Variants in FLG observed in about 807,000 individuals in gnomAD.
FLG encodes the protein filaggrin, also known as epidermal filaggrin.
Under a neutral mutation model 3.8 loss-of-function variants are expected in FLG, and 6 were observed. The observed-to-expected ratio is 1.60, with a 90% CI of 0.87 to 3.15. The LOEUF (loss-of-function observed/expected upper bound fraction) is 3.15, where lower values mean the gene tolerates loss of function less well. Ranked by LOEUF, FLG falls within the 30% of genes most tolerant of loss-of-function variation. The pLI is 0.00. For missense variants in FLG, 7,595 were observed against 5,050.9 expected (o/e 1.50, Z -15.27); for synonymous variants, 2,551 against 1,931.6 (o/e 1.32, Z -8.41).
Position 152,310,034 on chromosome 1 carries a change from G to T in FLG, c.4852C>A (p.His1618Asn), listed in dbSNP as rs373727872. The T allele has an allele frequency of 3.7e-6, 6 of 1,613,670 alleles. No individual in the cohort carries two copies. The Admixed American group carries it at 5.0e-5, about 13-fold the overall frequency. Residue 1618 changes from histidine to asparagine, a missense_variant, in exon 3 of 3, where the codon CAT becomes AAT. Physicochemically the swap from His to Asn is moderately conservative, Grantham distance 68 (BLOSUM62 1). Coordinates refer to ENST00000368799, the MANE Select transcript of FLG (RefSeq NM_002016.2). ...GACTGCTCCCGAGCAGATCCATAAT[G>T]GTTTCTGGAAGCCGACTCAGACCGC... is the stretch of plus-strand genomic sequence containing the variant. ...ERRSESASRN[H>N]YGSAREQSRH... is the part of the protein sequence containing the mutation.
In FLG at chr1:152,307,427, G is replaced by A; in HGVS notation, c.7459C>T (p.His2487Tyr). The part of the protein sequence containing the change: ...HYEQLVDRSG[H>Y]SGSHHSHTTS... Reference sequence around the variant, plus strand: ...GTGTGGCTGTGATGAGACCCTGAGTGTCCAGATCTATCTACCAATTGCTCG... The same window carrying A: ...GTGTGGCTGTGATGAGACCCTGAGTATCCAGATCTATCTACCAATTGCTCG... Residue 2487 changes from histidine to tyrosine, a missense_variant, in exon 3 of 3, where the codon CAC (histidine) becomes TAC (tyrosine). By Grantham distance (83) the His-to-Tyr change is moderately conservative. Coordinates refer to ENST00000368799, the MANE Select transcript of FLG (RefSeq NM_002016.2). 6.2e-7 allele frequency: 1 copy of A among 1,613,238 alleles called. No individual in the cohort carries two copies. The highest frequency in any genetic ancestry group is 8.5e-7 in the Non-Finnish European group (1 of 1,179,728).
In FLG at chr1:152,304,831, G is replaced by C. The variant is rs149573489; in HGVS notation, c.10055C>G (p.Thr3352Arg). The change falls in exon 3 of 3, where the codon ACA becomes AGA. Residue 3352 changes from threonine (T) to arginine (R), a missense_variant. Physicochemically the swap from Thr to Arg is moderately conservative, Grantham distance 71. Transcript: ENST00000368799. ...DSEGHSEESD[T>R]QSVSGHGQAG... ...CTGTCCATGGCCTGACACTGACTGT[G>C]TGTCTGACTCTTCTGAATGTCCCTC... The C allele has an allele frequency of 2.7e-3, 4,375 of 1,613,862 alleles. 107 individuals carry two copies. In the African/African-American group the frequency reaches 0.051, roughly 19 times the overall value.
In FLG at chr1:152,302,894, T is replaced by C. The variant is rs1294003893; in HGVS notation, c.11992A>G (p.Ser3998Gly). The change falls in exon 3 of 3, where the codon AGT becomes GGT. Residue 3998 changes from serine to glycine, a missense_variant. Ser to Gly is a moderately conservative substitution (Grantham distance 56). Transcript: ENST00000368799. The stretch of plus-strand genomic sequence containing the variant: ...ACAGGATTGGAATTGTAACTAACAC[T>C]TCCGTGCTGAGAGTGTCTAAACCCG... The part of the protein sequence containing the change: ...ESGFRHSQHG[S>G]VSYNSNPVVF... 4 of 1,614,222 alleles carry C rather than the reference T, an allele frequency of 2.5e-6. No individual in the cohort carries two copies. Among genetic ancestry groups the C allele is most frequent in the Non-Finnish European group, 3.4e-6 (4 of 1,180,036 alleles).
chr1:152,310,232 C>T lies in FLG; in HGVS notation c.4654G>A (p.Asp1552Asn), dbSNP rs772213921. 6.2e-7 allele frequency: 1 copy of T among 1,613,832 alleles called. No individual in the cohort carries two copies. Among genetic ancestry groups the T allele is most frequent in the Non-Finnish European group, 8.5e-7 (1 of 1,179,982 alleles). The change falls in exon 3 of 3, where the codon GAC becomes AAC. Residue 1552 changes from aspartate to asparagine, a missense_variant. Coordinates refer to ENST00000368799, the MANE Select transcript of FLG (RefSeq NM_002016.2). Reference sequence around the variant, plus strand: ...CGTGACCCTGAGTGCCTGGAGCCGTCTCCTGATTGTTCCTCATTTCTTGTT... The same window carrying T: ...CGTGACCCTGAGTGCCTGGAGCCGTTTCCTGATTGTTCCTCATTTCTTGTT... Reference protein sequence around the residue: ...RQTRNEEQSGDGSRHSGSRHH... With the variant: ...RQTRNEEQSGNGSRHSGSRHH...
chr1:152,304,844 C>A lies in FLG; in HGVS notation c.10042G>T (p.Glu3348Ter). ...SQASDSEGHS[E>*]ESDTQSVSGH... Reference sequence around the variant, plus strand: ...GACACTGACTGTGTGTCTGACTCTTCTGAATGTCCCTCACTATCACTGGCC... The same window carrying A: ...GACACTGACTGTGTGTCTGACTCTTATGAATGTCCCTCACTATCACTGGCC... Residue 3348 changes from glutamate (E) to a stop codon, truncating the protein, a stop_gained, in exon 3 of 3, where the codon GAA becomes TAA. Transcript: ENST00000368799. LOFTEE classifies it low-confidence loss of function (END_TRUNC). 6.2e-7 allele frequency: 1 copy of A among 1,613,878 alleles called. No individual in the cohort carries two copies. Among genetic ancestry groups the A allele is most frequent in the Non-Finnish European group, 8.5e-7 (1 of 1,179,952 alleles).
At position 152,313,649 on chromosome 1, in the gene FLG, C is replaced by T. The variant is rs1652619114; in HGVS notation, c.1237G>A (p.Gly413Arg). The change falls in exon 3 of 3, where the codon GGA (glycine) becomes AGA (arginine). Residue 413 changes from glycine to arginine, a missense_variant. Physicochemically the swap from Gly to Arg is moderately radical, Grantham distance 125. Transcript: ENST00000368799. ...TGACTACCGCTAGACCCCCGGTGTC[C>T]ACGATCGCTGACTGCAGATGAAGCT... The part of the protein sequence containing the change: ...GQASSAVSDR[G>R]HRGSSGSQAS... 2 of 1,613,734 alleles carry T rather than the reference C, an allele frequency of 1.2e-6. No individual in the cohort carries two copies. Among genetic ancestry groups the T allele is most frequent in the Middle Eastern group, 1.7e-4 (1 of 6,060 alleles).
rs1394127190 is a variant in FLG at position 152,308,436 on chromosome 1, C to T, written c.6450G>A (p.Gln2150=). 4 of 1,613,748 alleles carry T rather than the reference C, an allele frequency of 2.5e-6. No homozygotes were observed. The highest frequency in any genetic ancestry group is 2.2e-5 in the East Asian group (1 of 44,874). ...GHPGPSRGGR[Q]GSHQEQSVDR... ...CTACCGATTGCTCTTGGTGGGACCC[C>T]TGTCTTCCTCCTCTGCTTGGCCCCG... Residue 2150 remains glutamine, a synonymous_variant, in exon 3 of 3, where the codon CAG becomes CAA. Coordinates refer to ENST00000368799, the MANE Select transcript of FLG (RefSeq NM_002016.2).
In FLG at chr1:152,303,818, G is replaced by A; in HGVS notation, c.11068C>T (p.Gln3690Ter). 2 of 1,613,620 alleles carry A rather than the reference G, an allele frequency of 1.2e-6. No homozygotes were observed. The highest frequency in any genetic ancestry group is 1.7e-6 in the Non-Finnish European group (2 of 1,179,866). ...SAHGQAGPHQ[Q>*]SHQESTRGRS... ...CCACGTGTGGACTCTTGGTGGCTCT[G>A]CTGATGGGGCCCAGCCTGTCCGTGG... The change falls in exon 3 of 3, where the codon CAG becomes TAG. Residue 3690 changes from glutamine to a stop codon, truncating the protein, a stop_gained. Transcript: ENST00000368799. LOFTEE classifies it low-confidence loss of function (END_TRUNC).
rs189906785 is a variant in FLG at position 152,309,287 on chromosome 1, G to C, written c.5599C>G (p.Gln1867Glu). 6 of 1,613,786 alleles carry C rather than the reference G, an allele frequency of 3.7e-6. No individual in the cohort carries two copies. In the African/African-American group the frequency reaches 5.3e-5, roughly 14 times the overall value. ...GQSGSRSVSR[Q>E]TRNEKQSGDG... ...CCTGATTGTTTCTCATTACGTGTTT[G>C]TCTGCTGACACTTCTGGATCCTGAC... The change falls in exon 3 of 3, where the codon CAA becomes GAA. Residue 1867 changes from glutamine to glutamate, a missense_variant. Transcript: ENST00000368799.
At position 152,308,991 on chromosome 1, in the gene FLG, G is replaced by C; in HGVS notation, c.5895C>G (p.Ala1965=). The stretch of plus-strand genomic sequence containing the variant: ...AGCTGTCTGCAGAGTGCCCGTGACC[G>C]GCTCTGTCTTCGTGATGGGACCCAG... ...RHPGSHHEDR[A]GHGHSADSSR... The change falls in exon 3 of 3, where the codon GCC becomes GCG. Residue 1965 remains alanine (A), a synonymous_variant. Transcript: ENST00000368799. The C allele has an allele frequency of 6.2e-7, 1 of 1,614,154 alleles. No homozygotes were observed. Among genetic ancestry groups the C allele is most frequent in the Non-Finnish European group, 8.5e-7 (1 of 1,180,008 alleles).
intron 1 of FLG, among the ~76,000 whole-genome samples, chr1:152,321,705 A>C (rs960642022): frequency 3.3e-5 from 5 of 151,224 alleles, no homozygotes; most frequent in Non-Finnish European, 7.4e-5. Flanking sequence ...ACTGCAGGTC[A>C]GATGGCTTTA....
chr1:152,313,503 C>G lies in FLG; in HGVS notation c.1383G>C (p.Arg461=). The G allele has an allele frequency of 1.2e-6, 2 of 1,613,948 alleles. No homozygotes were observed. Among genetic ancestry groups the G allele is most frequent in the South Asian group, 1.1e-5 (1 of 91,050 alleles). Residue 461 remains arginine (R), a synonymous_variant, in exon 3 of 3, where the codon CGG becomes CGC. Transcript: ENST00000368799. The part of the protein sequence containing the change: ...QESTRGRSGE[R]SGRSGSSLYQ... ...AGAGGGAAGACCCTGAACGTCCAGA[C>G]CGTTCCCCTGACCGGCCACGTGTGG...
rs762317875 is a variant in FLG at position 152,311,682 on chromosome 1, A to C, written c.3204T>G (p.Gly1068=). Residue 1068 remains glycine, a synonymous_variant, in exon 3 of 3, where the codon GGT becomes GGG. Coordinates refer to ENST00000368799, the MANE Select transcript of FLG (RefSeq NM_002016.2). ...GTCCCTCACTATCACTGGCCTGACT[A>C]CCACTGGACCCCCAGTGTCCACTGT... ...VRDSGHWGSS[G]SQASDSEGHS... 4 of 1,613,710 alleles carry C rather than the reference A, an allele frequency of 2.5e-6. No individual in the cohort carries two copies. The African/African-American group carries it at 4.0e-5, about 16-fold the overall frequency.
Position 152,303,166 on chromosome 1 carries a change from C to A in FLG, c.11720G>T (p.Arg3907Leu), listed in dbSNP as rs554551056. ...DGSRHPGSSH[R>L]DTASHVQSSP... The stretch of plus-strand genomic sequence containing the variant: ...AGACTGTACATGACTGGCTGTATCG[C>A]GGTGAGAGGATCCGGGGTGTCTGGA... The change falls in exon 3 of 3, where the codon CGC becomes CTC. Residue 3907 changes from arginine to leucine, a missense_variant. Arg to Leu is a moderately radical substitution (Grantham distance 102, BLOSUM62 -2). Coordinates refer to ENST00000368799, the MANE Select transcript of FLG (RefSeq NM_002016.2). 3.7e-6 allele frequency: 6 copies of A among 1,613,986 alleles called. No homozygotes were observed. Among genetic ancestry groups the A allele is most frequent in the Non-Finnish European group, 5.1e-6 (6 of 1,180,040 alleles).
rs199567641 is a variant in FLG at position 152,309,231 on chromosome 1, G to A, written c.5655C>T (p.His1885=). 8.7e-5 allele frequency: 140 copies of A among 1,613,316 alleles called. No homozygotes were observed. The East Asian group carries it at 2.0e-3, about 23-fold the overall frequency. Residue 1885 remains histidine, a synonymous_variant, in exon 3 of 3, where the codon CAC becomes CAT. Transcript: ENST00000368799. The part of the protein sequence containing the change: ...GDGSRHSGSR[H]HEASSRADSS... ...TGTCGGCCCGAGAGGAAGCTTCATGGTGACGCGACCCTGAGTGCCTGGAGC... is the reference window on the plus strand; with the variant it reads ...TGTCGGCCCGAGAGGAAGCTTCATGATGACGCGACCCTGAGTGCCTGGAGC...
In FLG at chr1:152,312,756, G is replaced by T; in HGVS notation, c.2130C>A (p.Ser710=). 2 of 1,613,952 alleles carry T rather than the reference G, an allele frequency of 1.2e-6. No homozygotes were observed. Among genetic ancestry groups the T allele is most frequent in the Non-Finnish European group, 1.7e-6 (2 of 1,180,020 alleles). ...ARSSAGERHG[S]RHQLQSADSS... is the part of the protein sequence containing the mutation. ...TGTCTGCTGACTGGAGCTGGTGGCGGGATCCATGTCTTTCTCCTGCACTTG... is the reference window on the plus strand; with the variant it reads ...TGTCTGCTGACTGGAGCTGGTGGCGTGATCCATGTCTTTCTCCTGCACTTG... Residue 710 remains serine (S), a synonymous_variant, in exon 3 of 3, where the codon TCC becomes TCA. Transcript: ENST00000368799.
rs766296593 is a variant in FLG, at chr1:152,304,846, G to A, written c.10040C>T (p.Ser3347Leu). The stretch of plus-strand genomic sequence containing the variant: ...CACTGACTGTGTGTCTGACTCTTCT[G>A]AATGTCCCTCACTATCACTGGCCTG... Reference protein sequence around the residue: ...GSQASDSEGHSEESDTQSVSG... With the variant: ...GSQASDSEGHLEESDTQSVSG... Residue 3347 changes from serine to leucine, a missense_variant, in exon 3 of 3, where the codon TCA (serine) becomes TTA (leucine). Transcript: ENST00000368799. The A allele has an allele frequency of 3.1e-6, 5 of 1,613,854 alleles. No individual in the cohort carries two copies. The South Asian group carries it at 5.5e-5, about 18-fold the overall frequency.
Position 152,308,744 on chromosome 1 carries a change from C to G in FLG, c.6142G>C (p.Glu2048Gln), listed in dbSNP as rs1401546977. 1 of 1,614,168 alleles carries G rather than the reference C, an allele frequency of 6.2e-7. No individual in the cohort carries two copies. The highest frequency in any genetic ancestry group is 2.2e-5 in the East Asian group (1 of 44,878). Residue 2048 changes from glutamate (E) to glutamine (Q), a missense_variant, in exon 3 of 3, where the codon GAG (glutamate) becomes CAG (glutamine). Physicochemically the swap from Glu to Gln is conservative, Grantham distance 29. Coordinates refer to ENST00000368799, the MANE Select transcript of FLG (RefSeq NM_002016.2). ...GTGTCTGAGTCTTCTGAATGTCCCTCACTGTCACTGGCCTGACTACCACTG... is the reference window on the plus strand; with the variant it reads ...GTGTCTGAGTCTTCTGAATGTCCCTGACTGTCACTGGCCTGACTACCACTG... ...GYSGSQASDS[E>Q]GHSEDSDTQS...
chr1:152,308,414 C>T lies in FLG; in HGVS notation c.6472G>A (p.Val2158Ile), dbSNP rs1321151132. 1 of 1,613,888 alleles carries T rather than the reference C, an allele frequency of 6.2e-7. No individual in the cohort carries two copies. Among genetic ancestry groups the T allele is most frequent in the Non-Finnish European group, 8.5e-7 (1 of 1,179,920 alleles). ...GRQGSHQEQS[V>I]DRSGHSGSHH... The stretch of plus-strand genomic sequence containing the variant: ...GACCCTGAGTGTCCAGACCTATCTA[C>T]CGATTGCTCTTGGTGGGACCCCTGT... Residue 2158 changes from valine to isoleucine, a missense_variant, in exon 3 of 3, where the codon GTA becomes ATA. Coordinates refer to ENST00000368799, the MANE Select transcript of FLG (RefSeq NM_002016.2).
Sources: allele counts gnomAD v4.1 joint callset (sites outside exome capture counted in the v4.1 genomes callset), GRCh38; gene constraint gnomAD v4.1.1; transcripts MANE v1.5; gene names NCBI Gene and HGNC (gene_info 2026-07-23, HGNC 2026-07-21).